Variants in PTP4A1 observed in about 807,000 individuals in gnomAD.
PTP4A1 encodes the protein protein tyrosine phosphatase 4A1, also known as protein tyrosine phosphatase type IVA 1.
In PTP4A1, 9 loss-of-function variants were observed where a neutral mutation model predicts 20.5. The ratio of observed to expected loss-of-function variants is 0.44; its 90% confidence interval spans 0.26 to 0.77. PTP4A1 has a LOEUF of 0.77. Ranked by LOEUF, PTP4A1 falls within the 30% of genes least tolerant of loss-of-function variation. The probability of loss-of-function intolerance (pLI) is 0.19; values close to 1 mark genes in which losing one functional copy is unlikely to be tolerated. For synonymous variants in PTP4A1, 78 were observed against 67.4 expected (o/e 1.16, Z -0.77); for missense variants, 137 against 218.8 (o/e 0.63, Z 2.36).
intron 1 of PTP4A1, among the ~76,000 whole-genome samples, chr6:63,525,004 G>T (rs1775097377): frequency 6.6e-6 from 1 of 152,208 alleles, no homozygotes; most frequent in Non-Finnish European, 1.5e-5. Context: ...AGTTGAGCAT[G>T]TCACCAAGCC....
At chr6:63,562,880 A>C (rs925551510) in intron 3 of PTP4A1, among the ~76,000 whole-genome samples, 5 of 152,188 alleles carry the variant, frequency 3.3e-5, no homozygotes, top group Admixed American at 1.3e-4. Context: ...TGAAAATGTG[A>C]AATTATGGAA....
In PTP4A1 at chr6:63,579,359, T is replaced by C. The variant is rs777543912; in HGVS notation, c.404+28T>C. The C allele has an allele frequency of 1.1e-5, 16 of 1,520,650 alleles. No homozygotes were observed. In the Admixed American group the frequency reaches 2.2e-4, roughly 21 times the overall value. 94.2% of individuals were successfully genotyped at this position (1,520,650 alleles called of 1,614,324 possible). A position where few individuals can be genotyped will look rare whatever the true frequency, so the allele number is the denominator to read the frequency against. Reference sequence around the variant, plus strand: ...AAGTAATGGATTCTCTTTTCATTTGTACTCTCTTTCATTTCCTTGTTGAGT... The same window carrying C: ...AAGTAATGGATTCTCTTTTCATTTGCACTCTCTTTCATTTCCTTGTTGAGT... On this transcript the variant is annotated intron_variant, in intron 5 of 5. Coordinates refer to ENST00000626021, the MANE Select transcript of PTP4A1 (RefSeq NM_003463.5).
At position 63,574,050 on chromosome 6, in the gene PTP4A1, A is replaced by C. The variant is rs184861333; in HGVS notation, c.-446+1331A>C. On this transcript the variant is annotated intron_variant, in intron 1 of 5. Coordinates refer to ENST00000626021, the MANE Select transcript of PTP4A1 (RefSeq NM_003463.5). ...AGTCCACGAGTATTAAGTTATTTAC[A>C]CTACGATTGGAACTGTTGACCTGCC... is the stretch of plus-strand genomic sequence containing the variant. Among the ~76,000 whole-genome samples, 281 of 152,228 alleles carry C rather than the reference A, an allele frequency of 1.8e-3. 1 individual carries two copies. The highest frequency in any genetic ancestry group is 6.5e-3 in the African/African-American group (269 of 41,522).
At chr6:63,559,204 TATAA>T (rs1367795320) in intron 3 of PTP4A1, among the ~76,000 whole-genome samples, 1 of 152,190 alleles carries the variant, frequency 6.6e-6, no homozygotes, top group East Asian at 1.9e-4. Flanking sequence ...AAAAATATCT[TATAA>T]ATACTCCCTT....
rs115867296 is a variant in PTP4A1 at position 63,564,849 on chromosome 6, G to A, written c.-445-11587G>A. The stretch of plus-strand genomic sequence containing the variant: ...TTCACCAAATTTGCTAAAATAAGAA[G>A]AGTCTTCTCAAACTAGATTCCTCCA... On this transcript the variant is annotated intron_variant, in intron 3 of 3. Coordinates refer to the PTP4A1 transcript ENST00000639568. Among the ~76,000 whole-genome samples the A allele has an allele frequency of 5.1e-3, 779 of 152,216 alleles. 6 individuals carry two copies. Among genetic ancestry groups the A allele is most frequent in the African/African-American group, 0.018 (746 of 41,548 alleles).
chr6:63,539,547 G>A (rs1775863337), intron 2 of PTP4A1, among the ~76,000 whole-genome samples: 1 of 152,204 alleles, frequency 6.6e-6, no homozygotes, highest in Non-Finnish European at 1.5e-5. Flanking sequence ...GGAGGCTGAG[G>A]CAGGCAGATC....
Position 63,576,781 on chromosome 6 carries a change from G to C in PTP4A1, c.-100G>C. 2 of 869,696 alleles carry C rather than the reference G, an allele frequency of 2.3e-6. No individual in the cohort carries two copies. The highest frequency in any genetic ancestry group is 3.6e-6 in the Non-Finnish European group (2 of 555,596). The allele number at this position is 869,696 out of a possible 1,614,324, so 53.9% of individuals were successfully genotyped here. A position where few individuals can be genotyped will look rare whatever the true frequency, so the allele number is the denominator to read the frequency against. On this transcript the variant is annotated 5_prime_UTR_variant, in exon 2 of 6. Transcript: ENST00000626021. ...ACTCAAAGCACTGAGAATTTCAAGT[G>C]GAGTATATTGAAGTAGACTTCAGTT...
chr6:63,525,627 C>T (rs1263951772), intron 1 of PTP4A1, among the ~76,000 whole-genome samples: 1 of 152,198 alleles, frequency 6.6e-6, no homozygotes, highest in Non-Finnish European at 1.5e-5. Context: ...AGGCAGCTTC[C>T]TCACCTCAGA....
intron 2 of PTP4A1, among the ~76,000 whole-genome samples, chr6:63,529,642 C>T (rs939885035): frequency 2.0e-5 from 3 of 152,156 alleles, no homozygotes; most frequent in Non-Finnish European, 4.4e-5. Context: ...TTGGTTTGAG[C>T]AGCCAACCCT....
intron 1 of PTP4A1, among the ~76,000 whole-genome samples, chr6:63,525,251 G>A (rs1022912043): frequency 2.0e-5 from 3 of 152,128 alleles, no homozygotes; most frequent in African/African-American, 7.2e-5. Flanking sequence ...TACTCTTTCA[G>A]GATCAAACCC....
intron 3 of PTP4A1, among the ~76,000 whole-genome samples, chr6:63,556,702 G>A (rs1740730541): frequency 6.6e-6 from 1 of 152,134 alleles, no homozygotes; most frequent in African/African-American, 2.4e-5. Context: ...ATTTATTCCT[G>A]AGTCACTGAT....
chr6:63,568,943 C>T (rs1192285594), upstream of PTP4A1, among the ~76,000 whole-genome samples: 2 of 151,974 alleles, frequency 1.3e-5, no homozygotes, highest in Non-Finnish European at 2.9e-5. Flanking sequence ...CATATATTTG[C>T]TAGACTGTCA....
chr6:63,535,207 G>A (rs923952758), intron 2 of PTP4A1, among the ~76,000 whole-genome samples: 22 of 152,176 alleles, frequency 1.4e-4, no homozygotes, highest in African/African-American at 4.6e-4. Context: ...GGCTCAGCCT[G>A]TAATTCCAGC....
chr6:63,530,423 T>C (rs143568822), intron 2 of PTP4A1, among the ~76,000 whole-genome samples: 103 of 152,216 alleles, frequency 6.8e-4, no homozygotes, highest in African/African-American at 2.4e-3. Context: ...AAATCTGTAG[T>C]TGGGATGGTA....
chr6:63,571,306 C>T (rs889271946), upstream of PTP4A1: 3 of 152,148 alleles, frequency 2.0e-5, no homozygotes, highest in African/African-American at 4.8e-5. Flanking sequence ...CCCTAAAGCC[C>T]TCTCCAATCT....
At chr6:63,545,895 A>G (rs1191424375) in intron 2 of PTP4A1, among the ~76,000 whole-genome samples, 1 of 152,198 alleles carries the variant, frequency 6.6e-6, no homozygotes, top group Non-Finnish European at 1.5e-5. Flanking sequence ...AAATAAAAAT[A>G]AACCTGGTTC....
intron 2 of PTP4A1, among the ~76,000 whole-genome samples, chr6:63,536,442 G>T (rs756709372): frequency 6.6e-6 from 1 of 152,168 alleles, no homozygotes; most frequent in African/African-American, 2.4e-5. Flanking sequence ...AAAGTTTAAG[G>T]ATATCCCATT....
rs1778244793 is a variant in PTP4A1 at position 63,581,722 on chromosome 6, G to A, written c.*1548G>A. ...CTGAGGAGAAATAATGTATAGTAGAGGACAGCCTTGGTTTGTAAAGCTCAG... is the reference window on the plus strand; with the variant it reads ...CTGAGGAGAAATAATGTATAGTAGAAGACAGCCTTGGTTTGTAAAGCTCAG... On this transcript the variant is annotated 3_prime_UTR_variant, in exon 6 of 6. Transcript: ENST00000626021. The A allele has an allele frequency of 6.6e-6, 1 of 152,102 alleles. No individual in the cohort carries two copies. Among genetic ancestry groups the A allele is most frequent in the Non-Finnish European group, 1.5e-5 (1 of 67,998 alleles). 9.4% of individuals were successfully genotyped at this position (152,102 alleles called of 1,614,324 possible). A position where few individuals can be genotyped will look rare whatever the true frequency, so the allele number is the denominator to read the frequency against.
exon 2 of PTP4A1, chr6:63,527,951 G>T (rs1164930032): frequency 6.6e-6 from 1 of 152,226 alleles, no homozygotes; most frequent in African/African-American, 2.4e-5. Flanking sequence ...GTTGGATTTA[G>T]AAAAGCATCT....
Sources: gnomAD v4.1 joint callset for allele counts (sites outside exome capture counted in the v4.1 genomes callset) on GRCh38, gnomAD v4.1.1 for gene constraint, MANE v1.5 for transcripts, NCBI Gene and HGNC (gene_info 2026-07-23, HGNC 2026-07-21) for gene names.